DIPK2A: variants seen among roughly 807,000 people sequenced by gnomAD.
DIPK2A encodes the protein divergent protein kinase domain 2A, also known as Golgi Protein of 49 kDa.
Under a neutral mutation model 39.0 loss-of-function variants are expected in DIPK2A, and 27 were observed. The ratio of observed to expected loss-of-function variants is 0.69; its 90% CI spans 0.51 to 0.96. The LOEUF is 0.96. DIPK2A is among the 40% of genes least tolerant of loss of function. DIPK2A has a pLI of 0.00. For missense variants in DIPK2A, 528 were observed against 571.3 expected (o/e 0.92, Z 0.77); for synonymous variants, 298 against 240.8 (o/e 1.24, Z -2.20).
chr3:143,986,367 C>T (rs1452880730), intron 2 of DIPK2A, among the ~76,000 whole-genome samples: 1 of 152,196 alleles, frequency 6.6e-6, no homozygotes, highest in African/African-American at 2.4e-5. Flanking sequence ...TCACCCAAAA[C>T]TTTGCTCTCC....
rs1037751724 is a variant in DIPK2A at position 143,975,508 on chromosome 3, A to G, written c.657+2519A>G. 2.6e-5 allele frequency among the ~76,000 whole-genome samples: 4 copies of G among 152,132 alleles called. No individual in the cohort carries two copies. The East Asian group carries it at 7.7e-4, about 29-fold the overall frequency. The stretch of plus-strand genomic sequence containing the variant: ...AAGGTATCTCAACATTCTGTGATCA[A>G]GTACAAAAGTTGCTGTACAGTAAGT... On this transcript the variant is annotated intron_variant, in intron 1 of 2. Transcript: ENST00000315691.
chr3:143,978,640 C>CTATATATAGATATATATATATCTA (rs1559854174), intron 1 of DIPK2A: 3 of 117,038 alleles, frequency 2.6e-5, no homozygotes, highest in Non-Finnish European at 5.4e-5. Context: ...ATATATATAT[C>CTATATATAGATATATATATATCTA]TATATATATA....
In DIPK2A at chr3:143,972,267, G is replaced by C. The variant is rs1318460471; in HGVS notation, c.-66G>C. The C allele has an allele frequency of 3.0e-6, 4 of 1,321,678 alleles. No individual in the cohort carries two copies. The highest frequency in any genetic ancestry group is 3.9e-6 in the Non-Finnish European group (4 of 1,035,236). 81.9% of individuals were successfully genotyped at this position (1,321,678 alleles called of 1,614,324 possible). On this transcript the variant is annotated 5_prime_UTR_variant, in exon 1 of 3. Transcript: ENST00000315691. Reference sequence around the variant, plus strand: ...CCGGGGTTCCTGCCGGTAGCTCTCCGGGTCTTGGCGCGGCGGGGGCGCCCC... The same window carrying C: ...CCGGGGTTCCTGCCGGTAGCTCTCCCGGTCTTGGCGCGGCGGGGGCGCCCC...
intron 1 of DIPK2A, among the ~76,000 whole-genome samples, chr3:143,979,269 G>A (rs2087793618): frequency 6.6e-6 from 1 of 152,140 alleles, no homozygotes; most frequent in Non-Finnish European, 1.5e-5. Flanking sequence ...CTCATATGAA[G>A]TGTAATGAAT....
At chr3:143,976,726 C>G (rs1326414007) in intron 1 of DIPK2A, among the ~76,000 whole-genome samples, 1 of 151,952 alleles carries the variant, frequency 6.6e-6, no homozygotes. Context: ...ATTTGTGGAA[C>G]TTCATTTGCC....
chr3:143,978,668 A>ATC (rs2087781659), intron 1 of DIPK2A: 1 of 44,628 alleles, frequency 2.2e-5, no homozygotes, highest in Admixed American at 2.5e-4. Context: ...ATCTATATAT[A>ATC]GATATATATA....
rs752283226 is a variant in DIPK2A at position 143,991,814 on chromosome 3, A to G, written c.*1973A>G. On this transcript the variant is annotated 3_prime_UTR_variant, in exon 3 of 3. Transcript: ENST00000315691. The stretch of plus-strand genomic sequence containing the variant: ...CAAGAGGGAGCACCTTTTATATTTG[A>G]TAAGTTTTCATTATAAACCTTATAA... 2 of 152,216 alleles carry G rather than the reference A, an allele frequency of 1.3e-5. No individual in the cohort carries two copies. The highest frequency in any genetic ancestry group is 2.9e-5 in the Non-Finnish European group (2 of 68,022). The allele number at this position is 152,216 out of a possible 1,614,324, so 9.4% of individuals were successfully genotyped here.
chr3:143,972,904 G>T lies in DIPK2A; in HGVS notation c.572G>T (p.Ser191Ile). The T allele has an allele frequency of 1.3e-6, 2 of 1,584,396 alleles. No individual in the cohort carries two copies. The highest frequency in any genetic ancestry group is 1.1e-5 in the South Asian group (1 of 87,556). Residue 191 changes from serine (S) to isoleucine (I), a missense_variant, in exon 1 of 3, where the codon AGC (serine) becomes ATC (isoleucine). Physicochemically the swap from Ser to Ile is moderately radical, Grantham distance 142. Transcript: ENST00000315691. ...RRYAETKDSG[S>I]FLLRNLKDSE... ...TACGCGGAGACCAAGGACTCGGGCAGCTTCCTGCTTCGCAACCTCAAGGAC... is the reference window on the plus strand; with the variant it reads ...TACGCGGAGACCAAGGACTCGGGCATCTTCCTGCTTCGCAACCTCAAGGAC...
Position 143,971,971 on chromosome 3 carries a change from G to A in DIPK2A, c.-362G>A, listed in dbSNP as rs548232879. Reference sequence around the variant, plus strand: ...CCGCCGCAGCTCTTGTGCGAAGCCAGCAGTGCGCGTGCGCGCGGGCACGGG... The same window carrying A: ...CCGCCGCAGCTCTTGTGCGAAGCCAACAGTGCGCGTGCGCGCGGGCACGGG... On this transcript the variant is annotated 5_prime_UTR_variant, in exon 1 of 3. Coordinates refer to ENST00000315691, the MANE Select transcript of DIPK2A (RefSeq NM_173552.5). 291 of 245,244 alleles carry A rather than the reference G, an allele frequency of 1.2e-3. No homozygotes were observed. The highest frequency in any genetic ancestry group is 2.0e-3 in the African/African-American group (88 of 44,976). The allele number at this position is 245,244 out of a possible 1,614,324, so 15.2% of individuals were successfully genotyped here.
Position 143,972,539 on chromosome 3 carries a change from C to T in DIPK2A, c.207C>T (p.Asn69=), listed in dbSNP as rs139206554. Residue 69 remains asparagine, a synonymous_variant, in exon 1 of 3, where the codon AAC becomes AAT. Coordinates refer to ENST00000315691, the MANE Select transcript of DIPK2A (RefSeq NM_173552.5). ...CGAGCTGGTGCCGCCGCTTCCTCAA[C>T]GGGCAGGTGGTATTCGAGGCGTGGG... The part of the protein sequence containing the change: ...FGTSWCRRFL[N]GQVVFEAWGR... The T allele has an allele frequency of 2.0e-4, 321 of 1,611,960 alleles. No individual in the cohort carries two copies. Among genetic ancestry groups the T allele is most frequent in the Non-Finnish European group, 2.6e-4 (311 of 1,179,556 alleles).
intron 1 of DIPK2A, among the ~76,000 whole-genome samples, chr3:143,978,694 A>ATATC (rs1162872798): frequency 7.3e-6 from 1 of 136,176 alleles, no homozygotes; most frequent in East Asian, 2.0e-4. Flanking sequence ...ATATATATAT[A>ATATC]TATATATACT....
chr3:143,982,098 A>T (rs187764900), intron 1 of DIPK2A, among the ~76,000 whole-genome samples: 36 of 152,274 alleles, frequency 2.4e-4, no homozygotes, highest in African/African-American at 8.4e-4. Context: ...CCAATTTTTA[A>T]GTTTCTTGCA....
chr3:143,988,426 T>G (rs941694917), intron 2 of DIPK2A, among the ~76,000 whole-genome samples: 1 of 152,142 alleles, frequency 6.6e-6, no homozygotes, highest in African/African-American at 2.4e-5. Context: ...TTTCGAGTGC[T>G]TCATTTTTAA....
intron 1 of DIPK2A, among the ~76,000 whole-genome samples, chr3:143,978,133 T>C (rs1174011888): frequency 6.6e-6 from 1 of 152,030 alleles, no homozygotes; most frequent in Non-Finnish European, 1.5e-5. Flanking sequence ...GTCAGACTGG[T>C]TTTTATTCTG....
At chr3:143,981,385 G>A (rs138575267) in intron 1 of DIPK2A, among the ~76,000 whole-genome samples, 36 of 152,042 alleles carry the variant, frequency 2.4e-4, no homozygotes, top group African/African-American at 7.2e-4. Flanking sequence ...TTCCCTTACC[G>A]CAAGTCATTT....
intron 2 of DIPK2A, among the ~76,000 whole-genome samples, chr3:143,989,033 T>C (rs564401105): frequency 1.9e-4 from 29 of 152,364 alleles, no homozygotes; most frequent in African/African-American, 4.8e-4. Context: ...AGTGAACTTA[T>C]TGCTTCGTGA....
chr3:143,976,302 C>T (rs1485470750), intron 1 of DIPK2A, among the ~76,000 whole-genome samples: 1 of 151,726 alleles, frequency 6.6e-6, no homozygotes, highest in Non-Finnish European at 1.5e-5. Context: ...CTTTCCTCGT[C>T]GTCACATTTT....
chr3:143,981,669 A>G lies in DIPK2A; in HGVS notation c.658-3874A>G, dbSNP rs973828638. On this transcript the variant is annotated intron_variant, in intron 1 of 2. Transcript: ENST00000315691. The stretch of plus-strand genomic sequence containing the variant: ...ATTCTTAAACAGATGATAAATAAGC[A>G]AAAACAAAAACAGAAACAAAAACAA... Among the ~76,000 whole-genome samples, 5 of 152,242 alleles carry G rather than the reference A, an allele frequency of 3.3e-5. No individual in the cohort carries two copies. In the East Asian group the frequency reaches 5.8e-4, roughly 18 times the overall value.
At chr3:143,978,664 ATATAG>A (rs1266151364) in intron 1 of DIPK2A, 1 of 47,316 alleles carries the variant, frequency 2.1e-5, no homozygotes, top group East Asian at 7.1e-4. Context: ...ATATATCTAT[ATATAG>A]ATATATATAT....
Sources: gnomAD v4.1 joint callset for allele counts (sites outside exome capture counted in the v4.1 genomes callset) on GRCh38, gnomAD v4.1.1 for gene constraint, MANE v1.5 for transcripts, NCBI Gene and HGNC (gene_info 2026-07-23, HGNC 2026-07-21) for gene names.